The following DDX21 variants were observed in gnomAD, a reference collection of about 807,000 sequenced individuals.
DDX21 encodes DExD-box helicase 21, also known as nucleolar RNA helicase 2.
Under a neutral mutation model 90.0 loss-of-function variants are expected in DDX21, and 18 were observed. The ratio of observed to expected loss-of-function variants is 0.20; its 90% CI spans 0.14 to 0.30. The LOEUF (loss-of-function observed/expected upper bound fraction) is 0.30, where lower values mean the gene tolerates loss of function less well. DDX21 is among the 10% of genes least tolerant of loss of function. The pLI is 1.00. For missense variants in DDX21, 673 were observed against 944.5 expected, an observed-to-expected ratio of 0.71 and a Z score of 3.77; for synonymous variants, 294 against 318.0, an observed-to-expected ratio of 0.92 and a Z score of 0.80.
intron 5 of DDX21, 91 bp downstream of exon 5, chr10:68,965,585 C>G: frequency 1.1e-6 from 1 of 940,694 alleles, no homozygotes; most frequent in Admixed American, 1.9e-5. Context: ...TCTGGCTTCT[C>G]TATATAGGAT....
chr10:68,977,135 T>G (rs1843113080), intron 11 of DDX21, among the ~76,000 whole-genome samples: 3 of 152,124 alleles, frequency 2.0e-5, no homozygotes, highest in South Asian at 4.1e-4. Context: ...TAACACATGC[T>G]TCTTGTATAA....
chr10:68,970,409 C>T (rs1449839446), intron 8 of DDX21, 59 bp downstream of exon 8: 1 of 1,515,308 alleles, frequency 6.6e-7, no homozygotes. Flanking sequence ...TCACCTTGGG[C>T]ATATCTGCTC....
At chr10:68,963,226 G>A in intron 3 of DDX21, 65 bp from the exon 4 acceptor site, 3 of 1,480,602 alleles carry the variant, frequency 2.0e-6, no homozygotes, top group Non-Finnish European at 2.7e-6. Context: ...GTATACTTCA[G>A]TATGTCAGTA....
intron 13 of DDX21, among the ~76,000 whole-genome samples, chr10:68,979,304 G>A (rs2132095414): frequency 6.6e-6 from 1 of 151,934 alleles, no homozygotes; most frequent in Middle Eastern, 3.4e-3. Flanking sequence ...TCAGAATCTT[G>A]AATTCAAATT....
In DDX21 at chr10:68,963,107, G is replaced by A. The variant is rs531031760; in HGVS notation, c.608-184G>A. 3.3e-5 allele frequency among the ~76,000 whole-genome samples: 5 copies of A among 152,234 alleles called. No homozygotes were observed. The East Asian group carries it at 5.8e-4, about 18-fold the overall frequency. ...CACACCACTGTACTCCAGCATGGGC[G>A]ACAAAGCAAGACCTTGTCTCTTAAA... is the stretch of plus-strand genomic sequence containing the variant. On this transcript the variant is annotated intron_variant, in intron 3 of 14. Transcript: ENST00000354185.
At chr10:68,956,519 G>A in intron 1 of DDX21, 1 of 1,420,104 alleles carries the variant, frequency 7.0e-7, no homozygotes, top group Non-Finnish European at 9.2e-7. Context: ...AGCCAGGTCC[G>A]CCGTGCGCTG....
At chr10:68,956,405 C>T (rs1842794576) in intron 1 of DDX21, 93 bp downstream of exon 1, 2 of 1,566,474 alleles carry the variant, frequency 1.3e-6, no homozygotes, top group South Asian at 1.1e-5. Flanking sequence ...CGTGGGAGCG[C>T]GCGGCGGATA....
At chr10:68,962,321 A>G (rs1367606506) in intron 3 of DDX21, among the ~76,000 whole-genome samples, 164 bp downstream of exon 3, 1 of 152,248 alleles carries the variant, frequency 6.6e-6, no homozygotes, top group Non-Finnish European at 1.5e-5. Context: ...TATAGTAGTG[A>G]TGGTTCTTCA....
Position 68,977,572 on chromosome 10 carries a change from C to G in DDX21, c.1786C>G (p.Gln596Glu), listed in dbSNP as rs774375342. The change falls in exon 12 of 15, where the codon CAA becomes GAA. Residue 596 changes from glutamine to glutamate, a missense_variant. Transcript: ENST00000354185. Reference sequence around the variant, plus strand: ...TCCCACTGCCATTAGTCACTTCAAACAATCAGCTGAGAAGCTGATAGAGGA... The same window carrying G: ...TCCCACTGCCATTAGTCACTTCAAAGAATCAGCTGAGAAGCTGATAGAGGA... ...VPPTAISHFK[Q>E]SAEKLIEEKG... is the part of the protein sequence containing the mutation. The G allele has an allele frequency of 2.5e-6, 4 of 1,613,200 alleles. No homozygotes were observed. In the East Asian group the frequency reaches 6.7e-5, roughly 27 times the overall value.
At chr10:68,961,182 G>T (rs534786716) in intron 2 of DDX21, among the ~76,000 whole-genome samples, 1 of 152,102 alleles carries the variant, frequency 6.6e-6, no homozygotes, top group Non-Finnish European at 1.5e-5. Flanking sequence ...CGATAATCCC[G>T]CCTAAGCCTC....
Position 68,984,110 on chromosome 10 carries a change from G to A in DDX21, c.*1298G>A, listed in dbSNP as rs1843234063. 1 of 152,190 alleles carries A rather than the reference G, an allele frequency of 6.6e-6. No homozygotes were observed. Among genetic ancestry groups the A allele is most frequent in the Admixed American group, 6.5e-5 (1 of 15,282 alleles). The allele number at this position is 152,190 out of a possible 1,614,324, so 9.4% of individuals were successfully genotyped here. A position where few individuals can be genotyped will look rare whatever the true frequency, so the allele number is the denominator to read the frequency against. On this transcript the variant is annotated 3_prime_UTR_variant, in exon 15 of 15. Transcript: ENST00000354185. ...CTGGGAAACATTCTACATAGCACAG[G>A]AGCTTAAGAGTGGCATTATCTTCTC... is the stretch of plus-strand genomic sequence containing the variant.
rs753378539 is a variant in DDX21, at chr10:68,959,998, A to G, written c.280A>G (p.Ser94Gly). ...AAATGACATTTCTCCTAAAACCAAA[A>G]GTTTGAGAAAGAAAAAGGAGCCCAT... ...SQNDISPKTK[S>G]LRKKKEPIEK... Residue 94 changes from serine (S) to glycine (G), a missense_variant, in exon 2 of 15, where the codon AGT (serine) becomes GGT (glycine). Around this residue, in one of 4 missense-constraint regions of DDX21, gnomAD observed 204 missense variants for 221.6 expected, o/e 0.92. Coordinates refer to ENST00000354185, the MANE Select transcript of DDX21 (RefSeq NM_004728.4). 6.2e-6 allele frequency: 10 copies of G among 1,606,346 alleles called. No individual in the cohort carries two copies. In the South Asian group the frequency reaches 1.1e-4, roughly 18 times the overall value.
Position 68,970,214 on chromosome 10 carries a change from A to C in DDX21, c.1250A>C (p.Lys417Thr), listed in dbSNP as rs1268699239. ...TTCTTACATAAGCATCTGGCTATTA[A>C]GTGCCACTGGACTCAGAGGGCAGCA... Reference protein sequence around the residue: ...TAITVEHLAIKCHWTQRAAVI... With the variant: ...TAITVEHLAITCHWTQRAAVI... The change falls in exon 8 of 15, where the codon AAG (lysine) becomes ACG (threonine). Residue 417 changes from lysine to threonine, a missense_variant. By Grantham distance (78) the Lys-to-Thr change is moderately conservative. Transcript: ENST00000354185. The C allele has an allele frequency of 1.2e-6, 2 of 1,604,910 alleles. No homozygotes were observed. Among genetic ancestry groups the C allele is most frequent in the South Asian group, 2.2e-5 (2 of 88,954 alleles).
In DDX21 at chr10:68,960,199, T is replaced by C. The variant is rs190993673; in HGVS notation, c.481T>C (p.Cys161Arg). The C allele has an allele frequency of 1.2e-6, 2 of 1,610,622 alleles. No homozygotes were observed. Among genetic ancestry groups the C allele is most frequent in the Admixed American group, 1.7e-5 (1 of 58,804 alleles). ...TGGATTTCCTCATCCTGAACCGGAC[T>C]GTAACCCCAGTGAAGCTGCCAGTGA... ...KNGFPHPEPD[C>R]NPSEAASEES... Residue 161 changes from cysteine to arginine, a missense_variant, in exon 2 of 15, where the codon TGT (cysteine) becomes CGT (arginine). Physicochemically the swap from Cys to Arg is radical, Grantham distance 180. This residue lies in a region of DDX21 where 204 missense variants were observed against 221.6 expected (regional missense o/e 0.92). Coordinates refer to ENST00000354185, the MANE Select transcript of DDX21 (RefSeq NM_004728.4).
intron 7 of DDX21, 62 bp from the exon 8 acceptor site, chr10:68,970,139 G>A: frequency 6.8e-7 from 1 of 1,472,978 alleles, no homozygotes; most frequent in Non-Finnish European, 9.3e-7. Context: ...TGATCATTGT[G>A]TTGTGATTTT....
chr10:68,960,275 A>G, intron 2 of DDX21, 26 bp downstream of exon 2: 1 of 1,561,996 alleles, frequency 6.4e-7, no homozygotes, highest in Non-Finnish European at 8.6e-7. Context: ...ATTGGGTAGA[A>G]GATATCTTTC....
At chr10:68,963,556 G>A in intron 4 of DDX21, 87 bp downstream of exon 4, 1 of 1,270,360 alleles carries the variant, frequency 7.9e-7, no homozygotes, top group Non-Finnish European at 1.1e-6. Flanking sequence ...ATTTTTTATT[G>A]AGTTCTTATA....
chr10:68,959,177 A>G (rs1842840151), intron 1 of DDX21, among the ~76,000 whole-genome samples: 1 of 152,158 alleles, frequency 6.6e-6, no homozygotes, highest in Admixed American at 6.5e-5. Flanking sequence ...GGAGTATCCC[A>G]TGAGCTTATC....
chr10:68,960,604 G>C (rs745781913), intron 2 of DDX21, among the ~76,000 whole-genome samples: 1 of 151,992 alleles, frequency 6.6e-6, no homozygotes, highest in African/African-American at 2.4e-5. Context: ...TGGGATTACG[G>C]GTGTGTGCTA....
Sources: gnomAD v4.1 joint callset for allele counts (sites outside exome capture counted in the v4.1 genomes callset) on GRCh38, gnomAD v4.1.1 for gene constraint, gnomAD v4.1.1 regional missense constraint, MANE v1.5 for transcripts, NCBI Gene and HGNC (gene_info 2026-07-23, HGNC 2026-07-21) for gene names.